Variants in ROBO1 observed in about 807,000 individuals in gnomAD.
The protein encoded by ROBO1 is roundabout homolog 1.
In ROBO1, 149 loss-of-function variants were observed where a neutral mutation model predicts 195.9. That is an observed-to-expected ratio of 0.76 (90% CI 0.67 to 0.87). The LOEUF is 0.87. Ranked by LOEUF, ROBO1 falls within the 40% of genes least tolerant of loss-of-function variation. ROBO1 has a pLI of 0.00. For synonymous variants in ROBO1, 816 were observed against 733.2 expected, an observed-to-expected ratio of 1.11 and a Z score of -1.82; for missense variants, 1,933 against 2,068.3, an observed-to-expected ratio of 0.93 and a Z score of 1.27.
At chr3:79,699,053 C>T (rs1035626166) in intron 1 of ROBO1, among the ~76,000 whole-genome samples, 13 of 147,878 alleles carry the variant, frequency 8.8e-5, no homozygotes, top group South Asian at 8.6e-4. Flanking sequence ...CATTAAAGGA[C>T]GTTTATAACT....
chr3:79,723,769 A>C (rs1365822564), intron 1 of ROBO1, among the ~76,000 whole-genome samples: 7 of 150,540 alleles, frequency 4.6e-5, no homozygotes, highest in Admixed American at 3.3e-4. Flanking sequence ...AAACTTAATT[A>C]AACTTAAAAA....
chr3:79,141,188 T>C (rs113890120), intron 2 of ROBO1, among the ~76,000 whole-genome samples: 1 of 152,012 alleles, frequency 6.6e-6, no homozygotes, highest in Non-Finnish European at 1.5e-5. Context: ...GCATCTGCAG[T>C]TTGGGCCCAG....
chr3:79,586,776 G>A (rs1046338419), intron 2 of ROBO1, among the ~76,000 whole-genome samples: 1 of 151,576 alleles, frequency 6.6e-6, no homozygotes, highest in African/African-American at 2.4e-5. Flanking sequence ...GGCAATAAAA[G>A]GTAGATGCTT....
At chr3:78,729,855 T>C (rs1390567191) in intron 5 of ROBO1, among the ~76,000 whole-genome samples, 2 of 152,222 alleles carry the variant, frequency 1.3e-5, no homozygotes, top group East Asian at 3.9e-4. Context: ...TGATTTAGCT[T>C]ATAGCTATTA....
At position 79,562,058 on chromosome 3, in the gene ROBO1, G is replaced by T. The variant is rs1047579603; in HGVS notation, c.88+27766C>A. On this transcript the variant is annotated intron_variant, in intron 2 of 30. Transcript: ENST00000464233. ...ATTGTCACTCTAAAGTTTTATACAT[G>T]TGGCCTTTGTGGACTAATTCAGCAA... Among the ~76,000 whole-genome samples, 27 of 152,106 alleles carry T rather than the reference G, an allele frequency of 1.8e-4. 1 individual carries two copies. The highest frequency in any genetic ancestry group is 4.4e-5 in the Non-Finnish European group (3 of 68,028).
At chr3:78,747,047 T>C (rs1165515089) in intron 4 of ROBO1, 147 bp from the exon 5 acceptor site, 5 of 457,016 alleles carry the variant, frequency 1.1e-5, no homozygotes, top group Admixed American at 4.2e-5. Flanking sequence ...TATCTACTTA[T>C]AGACATCTGC....
At chr3:79,757,045 T>C (rs1704445871) in intron 1 of ROBO1, among the ~76,000 whole-genome samples, 1 of 152,220 alleles carries the variant, frequency 6.6e-6, no homozygotes, top group Non-Finnish European at 1.5e-5. Context: ...AGATCATTGT[T>C]TGTTTATTCA....
chr3:78,885,851 C>T (rs949865512), intron 4 of ROBO1, among the ~76,000 whole-genome samples: 2 of 146,144 alleles, frequency 1.4e-5, no homozygotes, highest in African/African-American at 5.1e-5. Context: ...GCCCATTTTA[C>T]AGATGAAGAA....
intron 2 of ROBO1, among the ~76,000 whole-genome samples, chr3:79,577,518 A>C (rs1485900592): frequency 6.6e-6 from 1 of 152,132 alleles, no homozygotes; most frequent in African/African-American, 2.4e-5. Context: ...TAAAGATATA[A>C]GGTAAATACT....
chr3:79,550,601 T>C (rs546839519), intron 2 of ROBO1, among the ~76,000 whole-genome samples: 1 of 152,364 alleles, frequency 6.6e-6, no homozygotes, highest in Non-Finnish European at 1.5e-5. Context: ...GATTGGCTTA[T>C]GCTTCAACAT....
At chr3:78,988,111 A>G (rs1423205745) in intron 3 of ROBO1, among the ~76,000 whole-genome samples, 1 of 152,164 alleles carries the variant, frequency 6.6e-6, no homozygotes, top group Non-Finnish European at 1.5e-5. Context: ...ATCTTGGGAA[A>G]GAGCTGTGAT....
chr3:79,569,731 G>A (rs977940355), intron 2 of ROBO1, among the ~76,000 whole-genome samples: 1 of 150,318 alleles, frequency 6.7e-6, no homozygotes, highest in Non-Finnish European at 1.5e-5. Flanking sequence ...GTGTGTGTAT[G>A]TGTATATATA....
rs572222186 is a variant in ROBO1, at chr3:79,104,408, G to A, written c.172+21048C>T. On this transcript the variant is annotated intron_variant, in intron 3 of 30. Coordinates refer to ENST00000464233, the MANE Select transcript of ROBO1 (RefSeq NM_002941.4). ...CATTTATTTTTTCAAATAATTACTC[G>A]CTGATAAATATGCCTGATGTTGTAC... 4.0e-5 allele frequency among the ~76,000 whole-genome samples: 6 copies of A among 151,740 alleles called. 1 individual carries two copies. Among genetic ancestry groups the A allele is most frequent in the East Asian group, 1.9e-4 (1 of 5,152 alleles).
chr3:78,819,186 CTT>C (rs2030554407), intron 4 of ROBO1, among the ~76,000 whole-genome samples: 1 of 152,078 alleles, frequency 6.6e-6, no homozygotes, highest in Non-Finnish European at 1.5e-5. Flanking sequence ...GTGAACATCT[CTT>C]GATTCTTATC....
chr3:79,135,794 C>T (rs1290907170), intron 2 of ROBO1, among the ~76,000 whole-genome samples: 2 of 152,000 alleles, frequency 1.3e-5, no homozygotes, highest in African/African-American at 4.8e-5. Context: ...TGTGGCACCA[C>T]GCCCGGCTAA....
intron 2 of ROBO1, among the ~76,000 whole-genome samples, chr3:79,311,595 A>T (rs2109095690): frequency 6.6e-6 from 1 of 152,298 alleles, no homozygotes; most frequent in African/African-American, 2.4e-5. Context: ...TAGATGTATT[A>T]TCTAAGTAGC....
intron 2 of ROBO1, among the ~76,000 whole-genome samples, chr3:79,314,353 T>A (rs2033633839): frequency 6.6e-6 from 1 of 152,178 alleles, no homozygotes; most frequent in South Asian, 2.1e-4. Context: ...GGGAGGTCAT[T>A]GAATCATGTG....
In ROBO1 at chr3:79,762,088, C is replaced by A. The variant is rs186805290; in HGVS notation, c.-51+5664G>T. Among the ~76,000 whole-genome samples the A allele has an allele frequency of 3.3e-3, 501 of 152,216 alleles. 3 individuals are homozygous for A. Among genetic ancestry groups the A allele is most frequent in the African/African-American group, 0.012 (479 of 41,510 alleles). ...AGTCTGTCTTAGTATCTTTAGGGTG[C>A]TACAACAAAGTGCTATGGAATAGGT... On this transcript the variant is annotated intron_variant, in intron 1 of 30. Transcript: ENST00000464233.
At chr3:78,673,597 TA>T (rs1575897211) in intron 10 of ROBO1, among the ~76,000 whole-genome samples, 5 of 61,330 alleles carry the variant, frequency 8.2e-5, no homozygotes, top group Non-Finnish European at 1.7e-4. Context: ...TATATATATA[TA>T]TATATATACA....
Sources: gnomAD v4.1 joint callset for allele counts (sites outside exome capture counted in the v4.1 genomes callset) on GRCh38, gnomAD v4.1.1 for gene constraint, MANE v1.5 for transcripts, NCBI Gene and HGNC (gene_info 2026-07-23, HGNC 2026-07-21) for gene names.